The following TRMU variants were observed in gnomAD, a reference collection of about 807,000 sequenced individuals.
The protein encoded by TRMU is mitochondrial tRNA-specific 2-thiouridylase 1.
A neutral mutation model predicts 46.9 loss-of-function variants in TRMU; 49 were observed. The observed-to-expected ratio is 1.05, with a 90% CI of 0.83 to 1.33. The LOEUF is 1.33. Ranked by LOEUF, TRMU falls within the 40% of genes most tolerant of loss-of-function variation. The pLI is 0.00. For synonymous variants in TRMU, 241 were observed against 200.9 expected (o/e 1.20, Z -1.69); for missense variants, 572 against 532.4 (o/e 1.07, Z -0.73).
intron 7 of TRMU, 119 bp downstream of exon 7, chr22:46,352,449 G>A: frequency 7.8e-7 from 1 of 1,283,506 alleles, no homozygotes; most frequent in East Asian, 2.3e-5. Context: ...ATTGTAGAAG[G>A]CTCTGTGGGG....
At position 46,350,855 on chromosome 22, in the gene TRMU, G is replaced by C. The variant is rs1291702433; in HGVS notation, c.651+392G>C. On this transcript the variant is annotated intron_variant, in intron 5 of 10. Transcript: ENST00000645190. This position sits in a 1 kb window ranked among gnomAD's most constrained non-coding sequence, Gnocchi z 4.6. ...TGCACACTCATGTGCCCTGTCACCC[G>C]CTTGCCCGGCACAGACTCGTTCGGT... is the stretch of plus-strand genomic sequence containing the variant. 6.6e-6 allele frequency among the ~76,000 whole-genome samples: 1 copy of C among 152,222 alleles called. No individual in the cohort carries two copies. The highest frequency in any genetic ancestry group is 1.5e-5 in the Non-Finnish European group (1 of 68,026).
rs2078426374 is a variant in TRMU at position 46,351,571 on chromosome 22, T to C, written c.652-550T>C. 5.2e-6 allele frequency: 1 copy of C among 192,892 alleles called. No individual in the cohort carries two copies. Among genetic ancestry groups the C allele is most frequent in the Non-Finnish European group, 1.1e-5 (1 of 91,742 alleles). The allele number at this position is 192,892 out of a possible 1,614,324, so 11.9% of individuals were successfully genotyped here. ...TTGTTTTCCGTTTCCGGTGTCGCTC[T>C]GTGGTGGGAGCCGCAGGGATGGAAG... On this transcript the variant is annotated intron_variant, in intron 5 of 10. Coordinates refer to ENST00000645190, the MANE Select transcript of TRMU (RefSeq NM_018006.5). This position sits in a 1 kb window ranked among gnomAD's most constrained non-coding sequence, Gnocchi z 6.4.
chr22:46,345,785 T>C (rs1409150890), intron 3 of TRMU, among the ~76,000 whole-genome samples: 5 of 150,628 alleles, frequency 3.3e-5, no homozygotes, highest in Non-Finnish European at 1.5e-5. Flanking sequence ...TTTTTCCTCC[T>C]GAGACAGCAT....
chr22:46,338,324 G>A lies in TRMU; in HGVS notation c.248+380G>A. On this transcript the variant is annotated intron_variant, in intron 2 of 10. Transcript: ENST00000645190. The surrounding 1 kb of genome is among the most constrained non-coding windows in gnomAD (Gnocchi z 4.5). ...CGATTAGGGGATTTCTGAGAAAGAG[G>A]TGATACATGGCCTGTGCCTCTGAAA... is the stretch of plus-strand genomic sequence containing the variant. The A allele has an allele frequency of 3.4e-6, 1 of 293,866 alleles. No individual in the cohort carries two copies. Among genetic ancestry groups the A allele is most frequent in the South Asian group, 3.6e-5 (1 of 27,802 alleles). The allele number at this position is 293,866 out of a possible 1,614,324, so 18.2% of individuals were successfully genotyped here.
intron 3 of TRMU, 121 bp from the exon 4 acceptor site, chr22:46,346,301 T>C: frequency 8.0e-7 from 1 of 1,248,206 alleles, no homozygotes; most frequent in Non-Finnish European, 1.1e-6. Context: ...CAGGGTGGAT[T>C]GTGCAGCCCC....
intron 2 of TRMU, among the ~76,000 whole-genome samples, chr22:46,340,843 A>C (rs985002299): frequency 6.6e-6 from 1 of 152,222 alleles, no homozygotes; most frequent in African/African-American, 2.4e-5. Context: ...TGAGAGAAGG[A>C]GGCGGCCGGG....
In TRMU at chr22:46,355,497, C is replaced by T. The variant is rs9627420; in HGVS notation, c.927C>T (p.Arg309=). ...ALYRDLLRTS[R]VHWIAEEPPA... is the part of the protein sequence containing the mutation. The stretch of plus-strand genomic sequence containing the variant: ...ACAGGGACCTGCTGAGGACCAGCCG[C>T]GTGCACTGGATTGCGGAGGAGCCTC... Residue 309 remains arginine, a synonymous_variant, in exon 9 of 11, where the codon CGC becomes CGT. Transcript: ENST00000645190. 9,348 of 1,613,246 alleles carry T rather than the reference C, an allele frequency of 5.8e-3. 361 individuals are homozygous for T. In the African/African-American group the frequency reaches 0.092, roughly 16 times the overall value.
intron 3 of TRMU, among the ~76,000 whole-genome samples, 170 bp from the exon 4 acceptor site, chr22:46,346,252 A>T (rs914782287): frequency 3.3e-5 from 5 of 152,118 alleles, no homozygotes; most frequent in African/African-American, 1.2e-4. Context: ...ATGAAATTGG[A>T]TGTGTGCGTC....
In TRMU at chr22:46,349,864, C is replaced by T. The variant is rs966928997; in HGVS notation, c.479-427C>T. 3.3e-5 allele frequency among the ~76,000 whole-genome samples: 5 copies of T among 152,184 alleles called. No homozygotes were observed. The highest frequency in any genetic ancestry group is 9.7e-5 in the African/African-American group (4 of 41,438). ...TGTAGAGTCCTTGAAACCACTGTGG[C>T]ACGAACACATCCTGTGGTTGTTGGA... On this transcript the variant is annotated intron_variant, in intron 4 of 10. Transcript: ENST00000645190. This position sits in a 1 kb window ranked among gnomAD's most constrained non-coding sequence, Gnocchi z 4.6.
rs138084008 is a variant in TRMU at position 46,349,502 on chromosome 22, G to A, written c.479-789G>A. 2.0e-3 allele frequency among the ~76,000 whole-genome samples: 310 copies of A among 152,362 alleles called. 1 individual carries two copies. The highest frequency in any genetic ancestry group is 7.0e-3 in the African/African-American group (290 of 41,586). On this transcript the variant is annotated intron_variant, in intron 4 of 10. Transcript: ENST00000645190. The surrounding 1 kb of genome is among the most constrained non-coding windows in gnomAD (Gnocchi z 4.6). Reference sequence around the variant, plus strand: ...GTCTGACCGTCACGGCATGTGGCGTGCTCTGAGTGTAACTCGAAAGGAGAA... The same window carrying A: ...GTCTGACCGTCACGGCATGTGGCGTACTCTGAGTGTAACTCGAAAGGAGAA...
At position 46,338,911 on chromosome 22, in the gene TRMU, G is replaced by A. The variant is rs2078049927; in HGVS notation, c.248+967G>A. On this transcript the variant is annotated intron_variant, in intron 2 of 10. Transcript: ENST00000645190. This position sits in a 1 kb window ranked among gnomAD's most constrained non-coding sequence, Gnocchi z 4.5. ...AAGAGCCTTGGGTTGAGTCCTGACT[G>A]TAGCTTATTATATGACCTTGGGCAA... Among the ~76,000 whole-genome samples, 1 of 152,168 alleles carries A rather than the reference G, an allele frequency of 6.6e-6. No individual in the cohort carries two copies. The highest frequency in any genetic ancestry group is 1.5e-5 in the Non-Finnish European group (1 of 68,030).
Position 46,350,516 on chromosome 22 carries a change from A to G in TRMU, c.651+53A>G, listed in dbSNP as rs1288215333. ...GTGCCTGTTTCCCTTTCCCGACTGC[A>G]TGGCACGGAGCAGCTGGACCTGTGG... On this transcript the variant is annotated intron_variant, in intron 5 of 10. Coordinates refer to ENST00000645190, the MANE Select transcript of TRMU (RefSeq NM_018006.5). This position sits in a 1 kb window ranked among gnomAD's most constrained non-coding sequence, Gnocchi z 4.6. The G allele has an allele frequency of 1.2e-5, 20 of 1,606,462 alleles. No homozygotes were observed. The African/African-American group carries it at 2.7e-4, about 21-fold the overall frequency.
chr22:46,348,863 G>A lies in TRMU; in HGVS notation c.479-1428G>A, dbSNP rs886123027. Among the ~76,000 whole-genome samples, 5 of 152,132 alleles carry A rather than the reference G, an allele frequency of 3.3e-5. No individual in the cohort carries two copies. Among genetic ancestry groups the A allele is most frequent in the South Asian group, 2.1e-4 (1 of 4,830 alleles). ...GAAAGTGGACTCTGAGGCCAGGTGC[G>A]GTGGCTCATGCCTGTAATCACAGCA... On this transcript the variant is annotated intron_variant, in intron 4 of 10. Coordinates refer to ENST00000645190, the MANE Select transcript of TRMU (RefSeq NM_018006.5). This position sits in a 1 kb window ranked among gnomAD's most constrained non-coding sequence, Gnocchi z 4.8.
At chr22:46,355,866 C>G in intron 9 of TRMU, 124 bp from the exon 10 acceptor site, 1 of 1,173,184 alleles carries the variant, frequency 8.5e-7, no homozygotes, top group Non-Finnish European at 1.2e-6. Flanking sequence ...CAGGCTGGTG[C>G]CCTGCCCTTC....
rs369997924 is a variant in TRMU at position 46,335,949 on chromosome 22, C to G, written c.82+103C>G. 2.7e-6 allele frequency: 4 copies of G among 1,490,008 alleles called. No homozygotes were observed. The African/African-American group carries it at 5.7e-5, about 21-fold the overall frequency. The allele number at this position is 1,490,008 out of a possible 1,614,324, so 92.3% of individuals were successfully genotyped here. A position where few individuals can be genotyped will look rare whatever the true frequency, so the allele number is the denominator to read the frequency against. ...GCACGTCTCCTCCCTCCCTGGGCCG[C>G]TGGTTGCGCGCGGGTCGGCAGGAGG... On this transcript the variant is annotated intron_variant, in intron 1 of 10. Coordinates refer to ENST00000645190, the MANE Select transcript of TRMU (RefSeq NM_018006.5).
chr22:46,336,146 G>T lies in TRMU; in HGVS notation c.82+300G>T. 1 of 1,304,566 alleles carries T rather than the reference G, an allele frequency of 7.7e-7. No homozygotes were observed. The highest frequency in any genetic ancestry group is 9.8e-7 in the Non-Finnish European group (1 of 1,023,268). 80.8% of individuals were successfully genotyped at this position (1,304,566 alleles called of 1,614,324 possible). ...GGCCGGGGTGGGGTGGGGAGGGAAG[G>T]GTTTCTCACGGATCTGCGGCGTCCA... On this transcript the variant is annotated intron_variant, in intron 1 of 10. Transcript: ENST00000645190. The surrounding 1 kb of genome is among the most constrained non-coding windows in gnomAD (Gnocchi z 4.1).
chr22:46,343,246 TTTTC>T lies in TRMU; in HGVS notation c.249-12_249-9del. ...TGTTTCACACTTGGAACTGAAGTCA[TTTTC>T]TTTTATTCTAGTGACTTTTTGAATG... On this transcript the variant is annotated splice_polypyrimidine_tract_variant and intron_variant, in intron 2 of 10. Transcript: ENST00000645190. 1 of 1,563,470 alleles carries T rather than the reference TTTTC, an allele frequency of 6.4e-7. No homozygotes were observed. Among genetic ancestry groups the T allele is most frequent in the East Asian group, 2.2e-5 (1 of 44,634 alleles).
chr22:46,357,009 G>C lies in TRMU; in HGVS notation c.*3G>C. The C allele has an allele frequency of 1.9e-6, 3 of 1,613,484 alleles. No homozygotes were observed. Among genetic ancestry groups the C allele is most frequent in the South Asian group, 1.1e-5 (1 of 91,088 alleles). ...CAGGCCTGAGTCCCTTGCTCTGACA[G>C]AGATGGATCTGCTAGAAGGAACCTG... On this transcript the variant is annotated 3_prime_UTR_variant, in exon 11 of 11. Coordinates refer to ENST00000645190, the MANE Select transcript of TRMU (RefSeq NM_018006.5).
In TRMU at chr22:46,349,909, A is replaced by C. The variant is rs139592023; in HGVS notation, c.479-382A>C. On this transcript the variant is annotated intron_variant, in intron 4 of 10. Transcript: ENST00000645190. The surrounding 1 kb of genome is among the most constrained non-coding windows in gnomAD (Gnocchi z 4.6). ...GTTGGAAGAAGGCACAGCTGACACT[A>C]TATCAGTGGAATTTTCTGCCAGCAA... Among the ~76,000 whole-genome samples the C allele has an allele frequency of 6.6e-6, 1 of 151,956 alleles. No homozygotes were observed. Among genetic ancestry groups the C allele is most frequent in the African/African-American group, 2.4e-5 (1 of 41,372 alleles).
Sources: allele counts gnomAD v4.1 joint callset (sites outside exome capture counted in the v4.1 genomes callset), GRCh38; gene constraint gnomAD v4.1.1; non-coding constraint Gnocchi (gnomAD v3.1); transcripts MANE v1.5; gene names NCBI Gene and HGNC (gene_info 2026-07-23, HGNC 2026-07-21).